Variants in GCNT1 observed in about 807,000 individuals in gnomAD.
The protein encoded by GCNT1 is beta-1,3-galactosyl-O-glycosyl-glycoprotein beta-1,6-N-acetylglucosaminyltransferase.
GCNT1 carries 16 observed loss-of-function variants against 26.2 expected under a neutral mutation model. The observed-to-expected ratio is 0.61, with a 90% CI of 0.41 to 0.93. The LOEUF (loss-of-function observed/expected upper bound fraction) is 0.93, where lower values mean the gene tolerates loss of function less well. GCNT1 is among the 40% of genes least tolerant of loss of function. The probability of loss-of-function intolerance (pLI) is 0.00; values close to 1 mark genes in which losing one functional copy is unlikely to be tolerated. For synonymous variants in GCNT1, 183 were observed against 190.8 expected (o/e 0.96, Z 0.34); for missense variants, 477 against 526.7 (o/e 0.91, Z 0.92).
intron 1 of GCNT1, among the ~76,000 whole-genome samples, chr9:76,421,564 GC>G (rs1336163999): frequency 7.8e-6 from 1 of 128,902 alleles, no homozygotes; most frequent in Non-Finnish European, 1.6e-5. Context: ...TGGAGCCATT[GC>G]CCTCCAGCCT....
At position 76,503,916 on chromosome 9, in the gene GCNT1, T is replaced by G; in HGVS notation, c.*248T>G. On this transcript the variant is annotated 3_prime_UTR_variant, in exon 4 of 4. Coordinates refer to ENST00000376730, the MANE Select transcript of GCNT1 (RefSeq NM_001490.5). ...AAGGTAGCCTTGAGGCCAGAGCAGG[T>G]AGCAAGGCATTGTGGAAAGAGGGGA... 2.0e-6 allele frequency: 1 copy of G among 496,726 alleles called. No individual in the cohort carries two copies. The allele number at this position is 496,726 out of a possible 1,614,324, so 30.8% of individuals were successfully genotyped here. A position where few individuals can be genotyped will look rare whatever the true frequency, so the allele number is the denominator to read the frequency against.
At chr9:76,462,072 T>C (rs1042471363) in intron 2 of GCNT1, among the ~76,000 whole-genome samples, 4 of 152,200 alleles carry the variant, frequency 2.6e-5, no homozygotes, top group Non-Finnish European at 4.4e-5. Context: ...CAGAAATTAC[T>C]ACTGGAAATG....
chr9:76,480,644 G>A (rs1266364951), intron 2 of GCNT1, among the ~76,000 whole-genome samples: 1 of 152,110 alleles, frequency 6.6e-6, no homozygotes. Context: ...GGGGAAAGAG[G>A]ATGCTTTTTC....
chr9:76,490,698 A>C (rs1205559104), intron 2 of GCNT1, among the ~76,000 whole-genome samples: 1 of 152,236 alleles, frequency 6.6e-6, no homozygotes, highest in Non-Finnish European at 1.5e-5. Flanking sequence ...TAAGTACTTT[A>C]AGGTTTGGCT....
upstream of GCNT1, among the ~76,000 whole-genome samples, chr9:76,458,263 AG>A (rs1247572897): frequency 6.9e-6 from 1 of 144,580 alleles, no homozygotes; most frequent in African/African-American, 2.6e-5. Context: ...GCTCACTGCA[AG>A]CTCCGCCTCC....
intron 1 of GCNT1, among the ~76,000 whole-genome samples, chr9:76,426,541 T>C (rs1457919456): frequency 6.6e-6 from 1 of 151,786 alleles, no homozygotes; most frequent in Non-Finnish European, 1.5e-5. Context: ...ACACTCCAGA[T>C]TGGGTGACAG....
At chr9:76,423,283 C>T (rs1238829155) in intron 1 of GCNT1, among the ~76,000 whole-genome samples, 1 of 152,144 alleles carries the variant, frequency 6.6e-6, no homozygotes, top group Non-Finnish European at 1.5e-5. Context: ...GGAAGTGGGG[C>T]CTAATTGGAG....
chr9:76,413,862 C>A, the GCNT1 span, among the ~76,000 whole-genome samples: 3 of 151,964 alleles, frequency 2.0e-5, no homozygotes, highest in Admixed American at 2.0e-4. Flanking sequence ...ACTTGTCTCA[C>A]AGTTCTTGGA....
intron 2 of GCNT1, among the ~76,000 whole-genome samples, chr9:76,491,187 C>G (rs1587450504): frequency 7.6e-6 from 1 of 132,134 alleles, no homozygotes; most frequent in Admixed American, 6.9e-5. Flanking sequence ...GTCTCTTTCT[C>G]TCTCTGACTC....
At chr9:76,469,081 C>CA (rs1175844490) in intron 2 of GCNT1, among the ~76,000 whole-genome samples, 1 of 151,434 alleles carries the variant, frequency 6.6e-6, no homozygotes, top group Non-Finnish European at 1.5e-5. Context: ...CAAATTTCGC[C>CA]AAAAAACTAT....
chr9:76,481,421 T>G (rs1400636043), intron 2 of GCNT1, among the ~76,000 whole-genome samples: 1 of 151,820 alleles, frequency 6.6e-6, no homozygotes, highest in Non-Finnish European at 1.5e-5. Flanking sequence ...ATTTTTTTTT[T>G]TTTAAGCTCA....
At chr9:76,485,378 TGG>T (rs2131622073) in intron 2 of GCNT1, among the ~76,000 whole-genome samples, 1 of 152,006 alleles carries the variant, frequency 6.6e-6, no homozygotes, top group South Asian at 2.1e-4. Context: ...TTTGCCGAGT[TGG>T]CCAGCCTGGT....
intron 2 of GCNT1, among the ~76,000 whole-genome samples, chr9:76,469,256 C>T (rs1255567173): frequency 6.6e-6 from 1 of 152,106 alleles, no homozygotes; most frequent in African/African-American, 2.4e-5. Flanking sequence ...GCTGGATTTC[C>T]TAGGCCCACT....
intron 2 of GCNT1, among the ~76,000 whole-genome samples, chr9:76,491,165 C>CTG (rs909687473): frequency 1.3e-5 from 2 of 151,366 alleles, no homozygotes; most frequent in African/African-American, 4.9e-5. Flanking sequence ...CTTCCTCTCT[C>CTG]TCTTTGACTT....
upstream of GCNT1, among the ~76,000 whole-genome samples, chr9:76,440,071 A>C (rs1041421585): frequency 6.6e-6 from 1 of 151,742 alleles, no homozygotes; most frequent in Admixed American, 6.6e-5. Context: ...ATTGCACTCC[A>C]GCCTGGGCAA....
the GCNT1 span, among the ~76,000 whole-genome samples, chr9:76,412,041 A>G: frequency 1.3e-5 from 2 of 152,290 alleles, no homozygotes; most frequent in East Asian, 3.9e-4. Context: ...TGGTTGCTAT[A>G]CAGTTTGCAA....
At chr9:76,469,504 C>T (rs1824081845) in intron 2 of GCNT1, among the ~76,000 whole-genome samples, 1 of 152,186 alleles carries the variant, frequency 6.6e-6, no homozygotes, top group Non-Finnish European at 1.5e-5. Context: ...TCTTTGGGTC[C>T]CCTCCCTTTG....
chr9:76,448,315 G>A (rs1313012000), intron 1 of GCNT1, among the ~76,000 whole-genome samples: 1 of 152,096 alleles, frequency 6.6e-6, no homozygotes. Flanking sequence ...AGCCAGGTGT[G>A]GTGGCACGTA....
intron 1 of GCNT1, among the ~76,000 whole-genome samples, chr9:76,428,581 AT>A (rs1177889840): frequency 6.6e-6 from 1 of 151,732 alleles, no homozygotes; most frequent in Non-Finnish European, 1.5e-5. Flanking sequence ...CCCCAATGGT[AT>A]TTTCCTCCCA....
Sources: allele counts gnomAD v4.1 joint callset (sites outside exome capture counted in the v4.1 genomes callset), GRCh38; gene constraint gnomAD v4.1.1; transcripts MANE v1.5; gene names NCBI Gene and HGNC (gene_info 2026-07-23, HGNC 2026-07-21).